EYA1: variants seen among roughly 807,000 people sequenced by gnomAD.
EYA1 encodes the protein EYA transcriptional coactivator and phosphatase 1.
In EYA1, 16 loss-of-function variants were observed where a neutral mutation model predicts 82.0. The ratio of observed to expected loss-of-function variants is 0.20; its 90% CI spans 0.13 to 0.30. EYA1 has a LOEUF of 0.30. Ranked by LOEUF, EYA1 falls within the 10% of genes least tolerant of loss-of-function variation. EYA1 has a pLI of 1.00. For synonymous variants in EYA1, 261 were observed against 264.4 expected (o/e 0.99, Z 0.12); for missense variants, 633 against 730.7 (o/e 0.87, Z 1.54).
intron 7 of EYA1, among the ~76,000 whole-genome samples, chr8:71,315,667 G>A (rs1044548688): frequency 2.0e-5 from 3 of 152,158 alleles, no homozygotes; most frequent in Non-Finnish European, 2.9e-5. Flanking sequence ...TAGAGCCTAG[G>A]ACTGTTAAAT....
rs548040865 is a variant in EYA1 at position 71,545,953 on chromosome 8, T to C, written c.-73+1911A>G. ...GACACAAGTTACACTGTGCTCTCTCTTGATCAAGGAACAGGTCTAATTTAG... is the reference window on the plus strand; with the variant it reads ...GACACAAGTTACACTGTGCTCTCTCCTGATCAAGGAACAGGTCTAATTTAG... On this transcript the variant is annotated intron_variant, in intron 1 of 18. Transcript: ENST00000643681. Among the ~76,000 whole-genome samples, 392 of 152,304 alleles carry C rather than the reference T, an allele frequency of 2.6e-3. 2 individuals are homozygous for C. The highest frequency in any genetic ancestry group is 3.9e-3 in the Non-Finnish European group (263 of 68,024).
intron 11 of EYA1, among the ~76,000 whole-genome samples, chr8:71,254,102 A>G (rs1814083018): frequency 6.6e-6 from 1 of 152,138 alleles, no homozygotes; most frequent in Non-Finnish European, 1.5e-5. Flanking sequence ...CAACCTCCTT[A>G]GAGCTAAAAC....
intron 17 of EYA1, chr8:71,199,905 T>C (rs1159993812): frequency 8.3e-5 from 14 of 168,462 alleles, no homozygotes; most frequent in Non-Finnish European, 1.8e-4. Context: ...ATTCTTCATA[T>C]TGACCTTAAA....
intron 2 of EYA1, among the ~76,000 whole-genome samples, chr8:71,406,785 C>A (rs1253618746): frequency 6.8e-6 from 1 of 147,034 alleles, no homozygotes; most frequent in South Asian, 2.2e-4. Flanking sequence ...AAGGCGGCAG[C>A]GAGGCTGGGG....
chr8:71,479,613 C>A (rs1430918209), intron 2 of EYA1, among the ~76,000 whole-genome samples: 5 of 117,966 alleles, frequency 4.2e-5, no homozygotes, highest in African/African-American at 1.4e-4. Context: ...CTTTAGAACA[C>A]TTTCTTTATG....
At chr8:71,288,191 T>C (rs1818599112) in intron 9 of EYA1, among the ~76,000 whole-genome samples, 1 of 152,196 alleles carries the variant, frequency 6.6e-6, no homozygotes, top group Non-Finnish European at 1.5e-5. Context: ...CATTGGACAT[T>C]ACACTCAATT....
intron 9 of EYA1, among the ~76,000 whole-genome samples, chr8:71,290,289 A>G (rs892822067): frequency 6.6e-6 from 1 of 152,180 alleles, no homozygotes; most frequent in Non-Finnish European, 1.5e-5. Flanking sequence ...AACCATCTCC[A>G]ATTAAAAAAC....
intron 3 of EYA1, among the ~76,000 whole-genome samples, chr8:71,335,214 GA>G (rs1362485636): frequency 6.6e-6 from 1 of 152,122 alleles, no homozygotes; most frequent in Non-Finnish European, 1.5e-5. Flanking sequence ...AGGCTCCCAT[GA>G]GAGAATATTT....
intron 17 of EYA1, among the ~76,000 whole-genome samples, chr8:71,202,088 C>T (rs976722506): frequency 1.1e-4 from 17 of 152,206 alleles, no homozygotes; most frequent in African/African-American, 4.1e-4. Context: ...TTTTTCAGAG[C>T]AGGTTCAGTC....
chr8:71,372,110 C>A (rs895983925), intron 2 of EYA1, among the ~76,000 whole-genome samples: 30 of 151,922 alleles, frequency 2.0e-4, no homozygotes, highest in Non-Finnish European at 4.1e-4. Context: ...AATGATTACC[C>A]AACAAAAAGA....
chr8:71,245,040 A>T (rs1302811529), intron 11 of EYA1, among the ~76,000 whole-genome samples: 1 of 152,210 alleles, frequency 6.6e-6, no homozygotes, highest in Non-Finnish European at 1.5e-5. Flanking sequence ...TGAATCAAGT[A>T]GCCACTGGTT....
intron 3 of EYA1, among the ~76,000 whole-genome samples, chr8:71,343,325 G>A (rs1264449751): frequency 1.3e-5 from 2 of 152,152 alleles, no homozygotes; most frequent in African/African-American, 4.8e-5. Context: ...GTTTGAGTAT[G>A]TATTCCCTCC....
chr8:71,237,784 G>T (rs1812021391), intron 12 of EYA1, among the ~76,000 whole-genome samples: 1 of 152,084 alleles, frequency 6.6e-6, no homozygotes, highest in South Asian at 2.1e-4. Context: ...TAATAGAATT[G>T]TGAGCCAACA....
At chr8:71,233,695 CTTGACA>C (rs1811505762) in intron 12 of EYA1, among the ~76,000 whole-genome samples, 1 of 151,910 alleles carries the variant, frequency 6.6e-6, no homozygotes, top group African/African-American at 2.4e-5. Context: ...TATATTGTGT[CTTGACA>C]TTAAGGATTT....
chr8:71,425,948 G>A (rs777183981), intron 2 of EYA1, among the ~76,000 whole-genome samples: 1 of 152,164 alleles, frequency 6.6e-6, no homozygotes, highest in Non-Finnish European at 1.5e-5. Flanking sequence ...TGGCAGAAAA[G>A]GTGAAAAGGT....
Position 71,198,079 on chromosome 8 carries a change from G to C in EYA1, c.*1261C>G, listed in dbSNP as rs991749564. On this transcript the variant is annotated 3_prime_UTR_variant, in exon 18 of 18. Coordinates refer to ENST00000340726, the MANE Select transcript of EYA1 (RefSeq NM_000503.6). Reference sequence around the variant, plus strand: ...TTGCTGATTTCCGGATTAGCATCGTGTGTCTTCCTTTATCGAAAGAAAATG... The same window carrying C: ...TTGCTGATTTCCGGATTAGCATCGTCTGTCTTCCTTTATCGAAAGAAAATG... The C allele has an allele frequency of 2.6e-5, 4 of 152,238 alleles. No individual in the cohort carries two copies. The highest frequency in any genetic ancestry group is 9.7e-5 in the African/African-American group (4 of 41,436). The allele number at this position is 152,238 out of a possible 1,614,324, so 9.4% of individuals were successfully genotyped here. A position where few individuals can be genotyped will look rare whatever the true frequency, so the allele number is the denominator to read the frequency against.
In EYA1 at chr8:71,480,771, T is replaced by G. The variant is rs891084475; in HGVS notation, c.33+54973A>C. Among the ~76,000 whole-genome samples the G allele has an allele frequency of 5.3e-5, 8 of 152,292 alleles. No individual in the cohort carries two copies. The South Asian group carries it at 1.0e-3, about 20-fold the overall frequency. ...TTTACGTTTCCATTTTAAATAGATA[T>G]TTAAGCAAAATAACCTGTTTAGAAT... On this transcript the variant is annotated intron_variant, in intron 2 of 18. Coordinates refer to the EYA1 transcript ENST00000643681.
rs117885431 is a variant in EYA1 at position 71,307,047 on chromosome 8, C to T, written c.557-7327G>A. On this transcript the variant is annotated intron_variant, in intron 7 of 17. Transcript: ENST00000340726. Reference sequence around the variant, plus strand: ...GTGACTAAAGGATTTAGTGAGAACACGATTGTCATAAAGTATTAGGTGTGG... The same window carrying T: ...GTGACTAAAGGATTTAGTGAGAACATGATTGTCATAAAGTATTAGGTGTGG... 2.8e-4 allele frequency among the ~76,000 whole-genome samples: 42 copies of T among 152,178 alleles called. No individual in the cohort carries two copies. In the East Asian group the frequency reaches 6.8e-3, roughly 25 times the overall value.
At chr8:71,408,124 G>C (rs1371041701) in intron 2 of EYA1, among the ~76,000 whole-genome samples, 10 of 152,062 alleles carry the variant, frequency 6.6e-5, no homozygotes, top group African/African-American at 2.2e-4. Context: ...GCCAAACTAA[G>C]CTTCATAAGT....
Sources: gnomAD v4.1 joint callset for allele counts (sites outside exome capture counted in the v4.1 genomes callset) on GRCh38, gnomAD v4.1.1 for gene constraint, MANE v1.5 for transcripts, NCBI Gene and HGNC (gene_info 2026-07-23, HGNC 2026-07-21) for gene names.